KRT75: variants seen among roughly 807,000 people sequenced by gnomAD.
KRT75 encodes keratin, type II cytoskeletal 75.
In KRT75, 35 loss-of-function variants were observed where a neutral mutation model predicts 48.8. That is an observed-to-expected ratio of 0.72 (90% CI 0.55 to 0.95). KRT75 has a LOEUF of 0.95. Ranked by LOEUF, KRT75 falls within the 40% of genes least tolerant of loss-of-function variation. KRT75 has a pLI of 0.00. For missense variants in KRT75, 776 were observed against 709.9 expected (o/e 1.09, Z -1.06); for synonymous variants, 301 against 282.3 (o/e 1.07, Z -0.66).
At chr12:52,431,434 C>G in intron 4 of KRT75, 109 bp downstream of exon 4, 2 of 894,752 alleles carry the variant, frequency 2.2e-6, no homozygotes, top group Non-Finnish European at 3.7e-6. Flanking sequence ...TTGAAGTATC[C>G]AAGCAAGATG....
At position 52,424,557 on chromosome 12, in the gene KRT75, A is replaced by G. The variant is rs775368989; in HGVS notation, c.1616T>C (p.Val539Ala). 7 of 1,614,076 alleles carry G rather than the reference A, an allele frequency of 4.3e-6. No homozygotes were observed. In the Admixed American group the frequency reaches 1.2e-4, roughly 27 times the overall value. ...LGGSGSSVKF[V>A]STTSSSQKSY... is the part of the protein sequence containing the mutation. Reference sequence around the variant, plus strand: ...CTTCTGGCTGGAGGATGTGGTGGAGACAAACTTGACGCTAGAACCACTGCC... The same window carrying G: ...CTTCTGGCTGGAGGATGTGGTGGAGGCAAACTTGACGCTAGAACCACTGCC... Residue 539 changes from valine to alanine, a missense_variant, in exon 9 of 9, where the codon GTC becomes GCC. By Grantham distance (64) the Val-to-Ala change is moderately conservative. Coordinates refer to ENST00000252245, the MANE Select transcript of KRT75 (RefSeq NM_004693.3).
At chr12:52,428,893 A>G in intron 5 of KRT75, 150 bp from the exon 6 acceptor site, 1 of 920,252 alleles carries the variant, frequency 1.1e-6, no homozygotes, top group Non-Finnish European at 1.8e-6. Context: ...TTATTGGGGG[A>G]CATAGACATT....
chr12:52,430,570 C>A lies in KRT75; in HGVS notation c.1006G>T (p.Ala336Ser), dbSNP rs1940130376. Residue 336 changes from alanine to serine, a missense_variant, in exon 5 of 9, where the codon GCC (alanine) becomes TCC (serine). By Grantham distance (99) the Ala-to-Ser change is moderately conservative (BLOSUM62 1). Transcript: ENST00000252245. ...GTCTGGTACCAGGACTCAGCCTCGG[C>A]CCGGCTGCGGTTGGCAATGTCCTCG... Reference protein sequence around the residue: ...QYEDIANRSRAEAESWYQTKY... With the variant: ...QYEDIANRSRSEAESWYQTKY... The A allele has an allele frequency of 1.2e-6, 2 of 1,614,002 alleles. No individual in the cohort carries two copies. The highest frequency in any genetic ancestry group is 1.6e-4 in the Middle Eastern group (1 of 6,082).
At chr12:52,427,898 G>A (rs953037613) in intron 7 of KRT75, among the ~76,000 whole-genome samples, 1 of 152,178 alleles carries the variant, frequency 6.6e-6, no homozygotes, top group Non-Finnish European at 1.5e-5. Flanking sequence ...CCAAGGTTAT[G>A]TAGCTACTTA....
rs1255922701 is a variant in KRT75, at chr12:52,433,205, G to A, written c.546C>T (p.Ala182=). Residue 182 remains alanine, a synonymous_variant, in exon 2 of 9, where the codon GCC becomes GCT. Transcript: ENST00000252245. ...QQNKVLETKW[A]LLQEQGSRTV... ...TCCTGGAGCCCTGCTCCTGCAGGAG[G>A]GCCCACTTGGTCTCCAGGACCTTGT... The A allele has an allele frequency of 6.8e-6, 11 of 1,613,930 alleles. No individual in the cohort carries two copies. The highest frequency in any genetic ancestry group is 1.7e-5 in the Admixed American group (1 of 59,988).
At chr12:52,431,709 G>A in intron 3 of KRT75, 71 bp from the exon 4 acceptor site, 1 of 1,178,722 alleles carries the variant, frequency 8.5e-7, no homozygotes. Flanking sequence ...AAGCTGAGCA[G>A]ATTTCTCCCC....
In KRT75 at chr12:52,424,694, G is replaced by T. The variant is rs1484218786; in HGVS notation, c.1479C>A (p.Asn493Lys). The T allele has an allele frequency of 1.2e-6, 2 of 1,614,172 alleles. No individual in the cohort carries two copies. Among genetic ancestry groups the T allele is most frequent in the South Asian group, 2.2e-5 (2 of 91,084 alleles). Residue 493 changes from asparagine to lysine, a missense_variant, in exon 9 of 9, where the codon AAC becomes AAA. Physicochemically the swap from Asn to Lys is moderately conservative, Grantham distance 94. Coordinates refer to ENST00000252245, the MANE Select transcript of KRT75 (RefSeq NM_004693.3). ...YGSGSSIGGG[N>K]LGLGGGSGYS... ...AGCCGCTGCCCCCACCGAGGCCCAG[G>T]TTTCCACCTCCAATGCTGCTGCCGC... is the stretch of plus-strand genomic sequence containing the variant.
rs534288994 is a variant in KRT75 at position 52,432,729 on chromosome 12, A to G, written c.713+309T>C. Among the ~76,000 whole-genome samples the G allele has an allele frequency of 5.3e-5, 8 of 152,364 alleles. No individual in the cohort carries two copies. In the South Asian group the frequency reaches 8.3e-4, roughly 16 times the overall value. On this transcript the variant is annotated intron_variant, in intron 2 of 8. Transcript: ENST00000252245. ...ATCTCAATAATTGAGCCCATGTCCA[A>G]TGGAATTAAACAATATGCTGACTGT...
In KRT75 at chr12:52,433,158, G is replaced by C; in HGVS notation, c.593C>G (p.Pro198Arg). ...CTCACTGGTATAGGAATCAAAGAGG[G>C]GCTCTAGGTTCTGCCTCACAGTCCT... The part of the protein sequence containing the change: ...GSRTVRQNLE[P>R]LFDSYTSELR... Residue 198 changes from proline to arginine, a missense_variant, in exon 2 of 9, where the codon CCC becomes CGC. Coordinates refer to ENST00000252245, the MANE Select transcript of KRT75 (RefSeq NM_004693.3). 1 of 1,613,914 alleles carries C rather than the reference G, an allele frequency of 6.2e-7. No individual in the cohort carries two copies. The highest frequency in any genetic ancestry group is 1.3e-5 in the African/African-American group (1 of 74,938).
In KRT75 at chr12:52,424,455, T is replaced by C; in HGVS notation, c.*62A>G. 7.0e-7 allele frequency: 1 copy of C among 1,418,882 alleles called. No homozygotes were observed. Among genetic ancestry groups the C allele is most frequent in the South Asian group, 1.1e-5 (1 of 87,244 alleles). The allele number at this position is 1,418,882 out of a possible 1,614,324, so 87.9% of individuals were successfully genotyped here. A position where few individuals can be genotyped will look rare whatever the true frequency, so the allele number is the denominator to read the frequency against. ...AAGGAGAGAGGAAGGAGGAGGACCC[T>C]GGTGTCCAGGTGTGACTGCAAACAG... On this transcript the variant is annotated 3_prime_UTR_variant, in exon 9 of 9. Coordinates refer to ENST00000252245, the MANE Select transcript of KRT75 (RefSeq NM_004693.3).
intron 5 of KRT75, among the ~76,000 whole-genome samples, chr12:52,430,303 T>G (rs1940126385): frequency 6.6e-6 from 1 of 152,070 alleles, no homozygotes; most frequent in Admixed American, 6.6e-5. Context: ...ACCCAGATCT[T>G]GAGGAATGTG....
chr12:52,425,133 C>T (rs1399827940), intron 8 of KRT75, among the ~76,000 whole-genome samples: 1 of 152,132 alleles, frequency 6.6e-6, no homozygotes, highest in Admixed American at 6.5e-5. Context: ...GGGGCACACT[C>T]CTCTTCCCTC....
Position 52,428,460 on chromosome 12 carries a change from G to C in KRT75, c.1178C>G (p.Thr393Arg). 6.2e-7 allele frequency: 1 copy of C among 1,613,538 alleles called. No individual in the cohort carries two copies. Among genetic ancestry groups the C allele is most frequent in the East Asian group, 2.2e-5 (1 of 44,844 alleles). ...SVKKQCSSLQ[T>R]AIADAEQRGE... ...CCGCTGCTCTGCATCAGCAATGGCC[G>C]TTTGCAAGCTGGAACACTGTAAGGA... Residue 393 changes from threonine to arginine, a missense_variant, in exon 7 of 9, where the codon ACG becomes AGG. By Grantham distance (71) the Thr-to-Arg change is moderately conservative (BLOSUM62 -1). Transcript: ENST00000252245.
rs370991901 is a variant in KRT75, at chr12:52,428,436, C to T, written c.1202G>A (p.Arg401Gln). 53 of 1,613,966 alleles carry T rather than the reference C, an allele frequency of 3.3e-5. No homozygotes were observed. Among genetic ancestry groups the T allele is most frequent in the Middle Eastern group, 1.6e-4 (1 of 6,084 alleles). ...TGCATCCTTGAGAGCCAGTTCTCCC[C>T]GCTGCTCTGCATCAGCAATGGCCGT... ...LQTAIADAEQ[R>Q]GELALKDARA... The change falls in exon 7 of 9, where the codon CGG becomes CAG. Residue 401 changes from arginine to glutamine, a missense_variant. Arg to Gln is a conservative substitution (Grantham distance 43). Transcript: ENST00000252245.
chr12:52,433,220 C>T lies in KRT75; in HGVS notation c.531G>A (p.Leu177=), dbSNP rs775677245. Residue 177 remains leucine (L), a synonymous_variant, in exon 2 of 9, where the codon CTG becomes CTA. Transcript: ENST00000252245. The stretch of plus-strand genomic sequence containing the variant: ...CCTGCAGGAGGGCCCACTTGGTCTC[C>T]AGGACCTTGTTCTGCTGCTCCAAGA... The part of the protein sequence containing the change: ...VRFLEQQNKV[L]ETKWALLQEQ... The T allele has an allele frequency of 6.2e-7, 1 of 1,614,132 alleles. No individual in the cohort carries two copies. The highest frequency in any genetic ancestry group is 1.1e-5 in the South Asian group (1 of 91,078).
In KRT75 at chr12:52,433,118, C is replaced by T. The variant is rs919226233; in HGVS notation, c.633G>A (p.Leu211=). The T allele has an allele frequency of 3.7e-6, 6 of 1,606,958 alleles. No individual in the cohort carries two copies. The highest frequency in any genetic ancestry group is 5.1e-6 in the Non-Finnish European group (6 of 1,177,136). ...TGCCCCTCTCGGTGGTGATGCTTTC[C>T]AGCTGCCGTCGGAGCTCACTGGTAT... is the stretch of plus-strand genomic sequence containing the variant. ...DSYTSELRRQ[L]ESITTERGRL... Residue 211 remains leucine, a synonymous_variant, in exon 2 of 9, where the codon CTG becomes CTA. Transcript: ENST00000252245.
Position 52,430,628 on chromosome 12 carries a change from C to G in KRT75, c.948G>C (p.Leu316=), listed in dbSNP as rs534582220. The change falls in exon 5 of 9, where the codon CTG becomes CTC. Residue 316 remains leucine, a synonymous_variant. Coordinates refer to ENST00000252245, the MANE Select transcript of KRT75 (RefSeq NM_004693.3). The part of the protein sequence containing the change: ...LSMDNNRNLD[L]DSIIAEVKAQ... ...CTTTGACCTCGGCGATGATACTATC[C>G]AGGTCCAGGTTGCGGTTGTTGTCCA... 1 of 1,614,198 alleles carries G rather than the reference C, an allele frequency of 6.2e-7. No homozygotes were observed. The highest frequency in any genetic ancestry group is 1.6e-4 in the Middle Eastern group (1 of 6,062).
At chr12:52,429,322 G>A (rs1337747852) in intron 5 of KRT75, among the ~76,000 whole-genome samples, 1 of 152,186 alleles carries the variant, frequency 6.6e-6, no homozygotes, top group Non-Finnish European at 1.5e-5. Flanking sequence ...ATGGGGGAAT[G>A]GTGTGGGATG....
In KRT75 at chr12:52,433,715, G is replaced by T. The variant is rs1222220876; in HGVS notation, c.498+92C>A. On this transcript the variant is annotated intron_variant, in intron 1 of 8. Coordinates refer to ENST00000252245, the MANE Select transcript of KRT75 (RefSeq NM_004693.3). The stretch of plus-strand genomic sequence containing the variant: ...GAACAGTGCTCATTCCCACAGTGGG[G>T]TCATTGCATTATTGCTCTCCCCCCA... 7 of 1,581,170 alleles carry T rather than the reference G, an allele frequency of 4.4e-6. No individual in the cohort carries two copies. In the Admixed American group the frequency reaches 8.4e-5, roughly 19 times the overall value.
Sources: allele counts gnomAD v4.1 joint callset (sites outside exome capture counted in the v4.1 genomes callset), GRCh38; gene constraint gnomAD v4.1.1; transcripts MANE v1.5; gene names NCBI Gene and HGNC (gene_info 2026-07-23, HGNC 2026-07-21).